INPP4A: variants seen among roughly 807,000 people sequenced by gnomAD.
The protein encoded by INPP4A is inositol polyphosphate-4-phosphatase, type I, 107kD.
In INPP4A, 33 loss-of-function variants were observed where a neutral mutation model predicts 119.8. That is an observed-to-expected ratio of 0.28 (90% CI 0.21 to 0.37). INPP4A has a LOEUF of 0.37. Among genes scored for constraint, INPP4A ranks in the 10% least tolerant of loss-of-function variants. The pLI is 1.00. For synonymous variants in INPP4A, 496 were observed against 500.7 expected, an observed-to-expected ratio of 0.99 and a Z score of 0.12; for missense variants, 956 against 1,289.9, an observed-to-expected ratio of 0.74 and a Z score of 3.97.
intron 5 of INPP4A, among the ~76,000 whole-genome samples, chr2:98,534,765 A>G (rs1039324230): frequency 6.6e-6 from 1 of 152,208 alleles, no homozygotes; most frequent in African/African-American, 2.4e-5. Flanking sequence ...AGATGTCCTA[A>G]CTTGTATAGG....
chr2:98,509,572 G>A (rs1684745460), intron 1 of INPP4A, among the ~76,000 whole-genome samples: 1 of 152,212 alleles, frequency 6.6e-6, no homozygotes, highest in South Asian at 2.1e-4. Flanking sequence ...AGAAGAAACA[G>A]CATGAGGTGC....
chr2:98,497,828 C>T (rs975107463), intron 1 of INPP4A, among the ~76,000 whole-genome samples: 6 of 152,154 alleles, frequency 3.9e-5, no homozygotes, highest in Admixed American at 3.9e-4. Flanking sequence ...CATTTTGGAG[C>T]CTTAAGGTTT....
chr2:98,536,422 C>T (rs1690278905), intron 7 of INPP4A, among the ~76,000 whole-genome samples: 2 of 152,112 alleles, frequency 1.3e-5, no homozygotes, highest in African/African-American at 4.8e-5. Context: ...ATGAGCACAG[C>T]TGTACCAAGC....
chr2:98,592,099 A>T lies in INPP4A; in HGVS notation c.*4491A>T, dbSNP rs72935494. On this transcript the variant is annotated 3_prime_UTR_variant, in exon 25 of 25. Coordinates refer to ENST00000409851, the MANE Select transcript of INPP4A (RefSeq NM_001134225.2). Reference sequence around the variant, plus strand: ...TCGTGTTCCTGGGATGGCTCTTCCAAGACCAGCAGTTCCTCCTGGCAGGCA... The same window carrying T: ...TCGTGTTCCTGGGATGGCTCTTCCATGACCAGCAGTTCCTCCTGGCAGGCA... The T allele has an allele frequency of 6.6e-6, 1 of 152,290 alleles. No homozygotes were observed. Among genetic ancestry groups the T allele is most frequent in the African/African-American group, 2.4e-5 (1 of 41,434 alleles). The allele number at this position is 152,290 out of a possible 1,614,324, so 9.4% of individuals were successfully genotyped here.
At chr2:98,460,287 G>A (rs1357811966) in intron 1 of INPP4A, among the ~76,000 whole-genome samples, 3 of 152,134 alleles carry the variant, frequency 2.0e-5, no homozygotes, top group Non-Finnish European at 4.4e-5. Flanking sequence ...GAGCATCACA[G>A]GGCCTCAGGG....
intron 1 of INPP4A, among the ~76,000 whole-genome samples, chr2:98,499,402 C>T (rs1431463861): frequency 1.3e-5 from 2 of 152,246 alleles, no homozygotes; most frequent in Non-Finnish European, 2.9e-5. Flanking sequence ...AACCTTTCCT[C>T]ACTACATGGT....
At position 98,542,734 on chromosome 2, in the gene INPP4A, T is replaced by C. The variant is rs76245021; in HGVS notation, c.819-1143T>C. ...TTCTTCATTGCTGAGCTAAGGAATTTATATTTCAGTTCTTATACAGGTTTT... is the reference window on the plus strand; with the variant it reads ...TTCTTCATTGCTGAGCTAAGGAATTCATATTTCAGTTCTTATACAGGTTTT... On this transcript the variant is annotated intron_variant, in intron 10 of 24. Transcript: ENST00000409851. Among the ~76,000 whole-genome samples the C allele has an allele frequency of 7.3e-4, 111 of 152,262 alleles. 2 individuals carry two copies. In the South Asian group the frequency reaches 0.01, roughly 14 times the overall value.
At chr2:98,549,292 G>A (rs1313774414) in intron 13 of INPP4A, among the ~76,000 whole-genome samples, 1 of 152,140 alleles carries the variant, frequency 6.6e-6, no homozygotes, top group African/African-American at 2.4e-5. Context: ...TCTCATGTCA[G>A]CCCCTGGGTG....
At chr2:98,585,235 C>CA (rs144293337) in intron 24 of INPP4A, among the ~76,000 whole-genome samples, 2,555 of 152,244 alleles carry the variant, frequency 0.017, 71 homozygotes, top group African/African-American at 0.058. Flanking sequence ...CATGCTCAGC[C>CA]ATAGAATCAC....
chr2:98,555,419 A>C, intron 15 of INPP4A, 134 bp from the exon 16 acceptor site: 1 of 925,874 alleles, frequency 1.1e-6, no homozygotes, highest in Admixed American at 2.6e-5. Flanking sequence ...TCATCTTTAT[A>C]TTTCTAAACT....
chr2:98,461,957 A>AC (rs1378378211), intron 1 of INPP4A, among the ~76,000 whole-genome samples: 92 of 151,904 alleles, frequency 6.1e-4, no homozygotes, highest in African/African-American at 1.8e-3. Flanking sequence ...AGGAAGCTGC[A>AC]CCCCCCTTGC....
intron 1 of INPP4A, among the ~76,000 whole-genome samples, chr2:98,502,516 C>T (rs1315472692): frequency 3.9e-5 from 6 of 152,042 alleles, no homozygotes. Flanking sequence ...GGTAATTTTA[C>T]ATATGATATG....
At chr2:98,564,330 A>G (rs1255382678) in intron 18 of INPP4A, among the ~76,000 whole-genome samples, 1 of 152,148 alleles carries the variant, frequency 6.6e-6, no homozygotes, top group Non-Finnish European at 1.5e-5. Flanking sequence ...AGACCCTTTC[A>G]CTGTGAGTAA....
chr2:98,522,386 G>C (rs1367536839), intron 4 of INPP4A, among the ~76,000 whole-genome samples: 1 of 150,574 alleles, frequency 6.6e-6, no homozygotes, highest in Non-Finnish European at 1.5e-5. Context: ...AAGATAAAAA[G>C]AACAATTGAA....
intron 24 of INPP4A, chr2:98,581,847 T>C: frequency 6.8e-7 from 1 of 1,475,360 alleles, no homozygotes; most frequent in East Asian, 2.6e-5. Flanking sequence ...AGAAGGAATG[T>C]GTCAAACCGT....
intron 1 of INPP4A, among the ~76,000 whole-genome samples, chr2:98,492,455 A>C (rs1373835722): frequency 1.3e-5 from 2 of 152,158 alleles, no homozygotes; most frequent in Admixed American, 6.5e-5. Flanking sequence ...TCTTGTCTGA[A>C]GGGGTTGGCT....
rs139074413 is a variant in INPP4A at position 98,498,714 on chromosome 2, C to T, written c.-165-20250C>T. Among the ~76,000 whole-genome samples, 60 of 152,156 alleles carry T rather than the reference C, an allele frequency of 3.9e-4. 1 individual carries two copies. In the East Asian group the frequency reaches 0.01, roughly 26 times the overall value. On this transcript the variant is annotated intron_variant, in intron 1 of 24. Transcript: ENST00000409851. The stretch of plus-strand genomic sequence containing the variant: ...CCAATGTGACCGTATTTGGAGATGG[C>T]GTCTGTAAAGAGATAATTAAGGTTA...
intron 1 of INPP4A, among the ~76,000 whole-genome samples, chr2:98,505,712 G>T (rs149081622): frequency 5.3e-5 from 8 of 152,294 alleles, no homozygotes; most frequent in Non-Finnish European, 4.4e-5. Context: ...CACCACAGAC[G>T]CCTGGGCTTG....
chr2:98,451,534 G>A (rs944724952), intron 1 of INPP4A, among the ~76,000 whole-genome samples: 2 of 152,080 alleles, frequency 1.3e-5, no homozygotes, highest in Non-Finnish European at 2.9e-5. Context: ...TAGTTTTCCT[G>A]ACCTCCGGTT....
Sources: allele counts gnomAD v4.1 joint callset (sites outside exome capture counted in the v4.1 genomes callset), GRCh38; gene constraint gnomAD v4.1.1; transcripts MANE v1.5; gene names NCBI Gene and HGNC (gene_info 2026-07-23, HGNC 2026-07-21).